FMN2: variants seen among roughly 807,000 people sequenced by gnomAD.
The protein encoded by FMN2 is formin-2.
A neutral mutation model predicts 142.3 loss-of-function variants in FMN2; 51 were observed. That is an observed-to-expected ratio of 0.36 (90% CI 0.29 to 0.45). FMN2 has a LOEUF of 0.45. Among genes scored for constraint, FMN2 ranks in the 20% least tolerant of loss-of-function variants. The pLI, the probability that FMN2 is intolerant of heterozygous loss-of-function variation, is 1.00. For missense variants in FMN2, 1,936 were observed against 2,122.8 expected, an observed-to-expected ratio of 0.91 and a Z score of 1.73; for synonymous variants, 882 against 869.8, an observed-to-expected ratio of 1.01 and a Z score of -0.25.
intron 2 of FMN2, among the ~76,000 whole-genome samples, chr1:240,164,227 C>A (rs909879939): frequency 4.6e-5 from 7 of 152,038 alleles, no homozygotes; most frequent in African/African-American, 1.7e-4. Context: ...TACATTTTTG[C>A]CTTTTTTGTT....
At chr1:240,137,396 A>G (rs1662988389) in intron 2 of FMN2, among the ~76,000 whole-genome samples, 1 of 152,216 alleles carries the variant, frequency 6.6e-6, no homozygotes, top group South Asian at 2.1e-4. Context: ...AGCCACGGAC[A>G]ATACGCCACT....
chr1:240,305,781 C>A (rs1304893261), intron 8 of FMN2, among the ~76,000 whole-genome samples: 1 of 147,168 alleles, frequency 6.8e-6, no homozygotes, highest in Non-Finnish European at 1.5e-5. Context: ...ATGTATATCC[C>A]TTTTATGTAT....
At chr1:240,185,510 A>C (rs958164949) in intron 3 of FMN2, among the ~76,000 whole-genome samples, 1 of 152,220 alleles carries the variant, frequency 6.6e-6, no homozygotes, top group Non-Finnish European at 1.5e-5. Context: ...TGAATTAGAC[A>C]GAGAGGAGCT....
At chr1:240,405,717 T>G (rs937422878) in intron 15 of FMN2, among the ~76,000 whole-genome samples, 4 of 152,134 alleles carry the variant, frequency 2.6e-5, no homozygotes, top group Non-Finnish European at 5.9e-5. Flanking sequence ...CCGCAGAGAT[T>G]CCAGAACTCA....
intron 4 of FMN2, among the ~76,000 whole-genome samples, chr1:240,204,784 TG>T (rs1666263473): frequency 6.6e-6 from 1 of 151,810 alleles, no homozygotes; most frequent in South Asian, 2.1e-4. Flanking sequence ...TTCATAGAGA[TG>T]GGGGGAAAAA....
intron 4 of FMN2, among the ~76,000 whole-genome samples, chr1:240,197,115 C>G (rs966790449): frequency 6.6e-6 from 1 of 152,108 alleles, no homozygotes; most frequent in Non-Finnish European, 1.5e-5. Flanking sequence ...GCCCCACCCC[C>G]CAGCCTCGGG....
At chr1:240,252,177 A>G (rs1382094395) in intron 6 of FMN2, among the ~76,000 whole-genome samples, 3 of 152,072 alleles carry the variant, frequency 2.0e-5, no homozygotes, top group Admixed American at 6.6e-5. Context: ...CCAAAGTGCT[A>G]GGATTACAGG....
chr1:240,263,511 C>A (rs1423579535), intron 7 of FMN2, among the ~76,000 whole-genome samples: 1 of 152,134 alleles, frequency 6.6e-6, no homozygotes, highest in African/African-American at 2.4e-5. Flanking sequence ...ATCCACACAT[C>A]CAGAATGACT....
rs553894558 is a variant in FMN2, at chr1:240,176,505, C to T, written c.1783-1416C>T. Among the ~76,000 whole-genome samples the T allele has an allele frequency of 1.6e-4, 24 of 152,272 alleles. No individual in the cohort carries two copies. In the South Asian group the frequency reaches 4.8e-3, roughly 30 times the overall value. On this transcript the variant is annotated intron_variant, in intron 2 of 17. Transcript: ENST00000319653. The stretch of plus-strand genomic sequence containing the variant: ...CTCCTAAACTAGAGGTGGGAGGTAG[C>T]ACTCTCCGGCTGTCACACCTTGACA...
chr1:240,196,464 C>T (rs7511821), intron 4 of FMN2, among the ~76,000 whole-genome samples: 3,706 of 152,196 alleles, frequency 0.024, 168 homozygotes, highest in African/African-American at 0.085. Flanking sequence ...ACCTACTGAA[C>T]TGGAAACTGT....
intron 2 of FMN2, among the ~76,000 whole-genome samples, chr1:240,173,638 T>C (rs1023465000): frequency 6.6e-6 from 1 of 152,100 alleles, no homozygotes; most frequent in Non-Finnish European, 1.5e-5. Flanking sequence ...AACGTTGAAA[T>C]GATATTTAAG....
At chr1:240,425,501 A>G (rs1674910170) in intron 15 of FMN2, among the ~76,000 whole-genome samples, 1 of 151,822 alleles carries the variant, frequency 6.6e-6, no homozygotes, top group Admixed American at 6.6e-5. Flanking sequence ...TTTTTTCTAT[A>G]CTCAGAATCA....
intron 15 of FMN2, among the ~76,000 whole-genome samples, chr1:240,417,216 A>G (rs1674605519): frequency 6.7e-6 from 1 of 149,754 alleles, no homozygotes; most frequent in Non-Finnish European, 1.5e-5. Flanking sequence ...CCTGTGTGTG[A>G]TTCTATGATA....
intron 3 of FMN2, among the ~76,000 whole-genome samples, chr1:240,181,802 C>T (rs1665165292): frequency 6.6e-6 from 1 of 152,184 alleles, no homozygotes; most frequent in South Asian, 2.1e-4. Context: ...TTCTATTTAT[C>T]ATTTTCTCTT....
rs141483151 is a variant in FMN2 at position 240,168,724 on chromosome 1, T to C, written c.1783-9197T>C. On this transcript the variant is annotated intron_variant, in intron 2 of 17. Coordinates refer to ENST00000319653, the MANE Select transcript of FMN2 (RefSeq NM_020066.5). ...GTAAGAAAATAAAAAGGTGCTATTT[T>C]AGTGAAAAGATTAAAGAAAAGAAAA... 5.8e-3 allele frequency among the ~76,000 whole-genome samples: 885 copies of C among 152,274 alleles called. 14 individuals carry two copies. The highest frequency in any genetic ancestry group is 0.02 in the African/African-American group (842 of 41,540).
chr1:240,398,798 G>T (rs9727699), intron 15 of FMN2, among the ~76,000 whole-genome samples: 50,949 of 152,022 alleles, frequency 0.34, 8,907 homozygotes, highest in East Asian at 0.6. Context: ...TATCTACTTT[G>T]TAGGTGAGAA....
chr1:240,387,849 G>A (rs1673455203), intron 14 of FMN2, among the ~76,000 whole-genome samples: 1 of 152,094 alleles, frequency 6.6e-6, no homozygotes, highest in Non-Finnish European at 1.5e-5. Flanking sequence ...AGGATGACTA[G>A]ACACCAGGTG....
chr1:240,308,209 A>T (rs1670479354), intron 8 of FMN2, among the ~76,000 whole-genome samples: 1 of 152,176 alleles, frequency 6.6e-6, no homozygotes, highest in Non-Finnish European at 1.5e-5. Flanking sequence ...AGCAAGTCTG[A>T]TATATTCAGG....
intron 16 of FMN2, among the ~76,000 whole-genome samples, chr1:240,450,117 T>C (rs1476950298): frequency 6.6e-6 from 1 of 152,140 alleles, no homozygotes; most frequent in Non-Finnish European, 1.5e-5. Flanking sequence ...AAATTCTTGG[T>C]GTTTTAGGGC....
Sources: allele counts gnomAD v4.1 joint callset (sites outside exome capture counted in the v4.1 genomes callset), GRCh38; gene constraint gnomAD v4.1.1; transcripts MANE v1.5; gene names NCBI Gene and HGNC (gene_info 2026-07-23, HGNC 2026-07-21).